The following GREB1L variants were observed in gnomAD, a reference collection of about 807,000 sequenced individuals.
GREB1L encodes GREB1 like retinoic acid receptor coactivator.
A neutral mutation model predicts 200.8 loss-of-function variants in GREB1L; 17 were observed. The observed-to-expected ratio is 0.08, with a 90% CI of 0.06 to 0.13. The LOEUF (loss-of-function observed/expected upper bound fraction) is 0.13, where lower values mean the gene tolerates loss of function less well. Among genes scored for constraint, GREB1L ranks in the 10% least tolerant of loss-of-function variants. The pLI is 1.00. For missense variants in GREB1L, 1,657 were observed against 2,367.7 expected, an observed-to-expected ratio of 0.70 and a Z score of 6.23; for synonymous variants, 789 against 893.0, an observed-to-expected ratio of 0.88 and a Z score of 2.08.
chr18:21,348,729 C>T (rs546982863), intron 1 of GREB1L, among the ~76,000 whole-genome samples: 54 of 152,068 alleles, frequency 3.6e-4, no homozygotes, highest in African/African-American at 9.2e-4. Context: ...GAGCTGAGAT[C>T]GCACCATTGC....
chr18:21,390,721 G>C (rs1207514724), intron 4 of GREB1L, among the ~76,000 whole-genome samples: 3 of 152,052 alleles, frequency 2.0e-5, no homozygotes, highest in Non-Finnish European at 2.9e-5. Context: ...ATTTTTAGTA[G>C]AGATGGGGTT....
chr18:21,497,851 C>T (rs112059162), intron 21 of GREB1L, among the ~76,000 whole-genome samples: 10,303 of 101,200 alleles, frequency 0.1, 586 homozygotes, highest in Middle Eastern at 0.25. Context: ...GATGGAGTTT[C>T]GCTCTTGTCC....
intron 1 of GREB1L, 57 bp from the exon 2 acceptor site, chr18:21,365,970 A>ATTTGGAAATTAACTCATGTC (rs1197993819): frequency 6.6e-6 from 1 of 152,044 alleles, no homozygotes; most frequent in Non-Finnish European, 1.5e-5. Flanking sequence ...TAGAATATGT[A>ATTTGGAAATTAACTCATGTC]TTTGGAAATT....
intron 1 of GREB1L, among the ~76,000 whole-genome samples, chr18:21,313,288 C>T (rs1309191854): frequency 5.3e-5 from 8 of 152,082 alleles, no homozygotes; most frequent in Admixed American, 4.6e-4. Flanking sequence ...ACTATGTCTA[C>T]TTCACCAACT....
At chr18:21,332,080 C>G (rs1460818829) in intron 1 of GREB1L, among the ~76,000 whole-genome samples, 1 of 152,066 alleles carries the variant, frequency 6.6e-6, no homozygotes, top group East Asian at 1.9e-4. Context: ...TAAACAACAA[C>G]AACAAAAAAG....
chr18:21,428,311 T>C (rs544839521), intron 7 of GREB1L, among the ~76,000 whole-genome samples: 6 of 148,544 alleles, frequency 4.0e-5, no homozygotes, highest in Non-Finnish European at 7.4e-5. Context: ...TTGTTTTTAT[T>C]TTGGGTTTTT....
At chr18:21,284,959 T>G (rs2038330949) in intron 1 of GREB1L, among the ~76,000 whole-genome samples, 1 of 152,212 alleles carries the variant, frequency 6.6e-6, no homozygotes, top group Admixed American at 6.5e-5. Context: ...ATCTGCTTAT[T>G]GGCCATTTAT....
chr18:21,282,932 G>C (rs2038294485), intron 1 of GREB1L, among the ~76,000 whole-genome samples: 2 of 152,272 alleles, frequency 1.3e-5, no homozygotes, highest in Admixed American at 1.3e-4. Context: ...CTAATGCATA[G>C]TACTTCATAA....
intron 15 of GREB1L, among the ~76,000 whole-genome samples, chr18:21,462,473 GGA>G (rs2035084120): frequency 6.6e-6 from 1 of 152,164 alleles, no homozygotes. Context: ...TTTTTGAGGT[GGA>G]GTCTTGCTCT....
At chr18:21,512,750 A>G (rs1161228148) in intron 27 of GREB1L, among the ~76,000 whole-genome samples, 1 of 152,018 alleles carries the variant, frequency 6.6e-6, no homozygotes, top group Non-Finnish European at 1.5e-5. Context: ...AGTTTTGGAA[A>G]AGCTTTCAGT....
intron 1 of GREB1L, among the ~76,000 whole-genome samples, chr18:21,252,189 A>G (rs1468390892): frequency 1.3e-5 from 2 of 152,222 alleles, no homozygotes; most frequent in South Asian, 4.1e-4. Flanking sequence ...TTACTATAGA[A>G]CTTTAATCAA....
chr18:21,307,780 A>C (rs935425598), intron 1 of GREB1L, among the ~76,000 whole-genome samples: 1 of 152,066 alleles, frequency 6.6e-6, no homozygotes, highest in South Asian at 2.1e-4. Context: ...GGTCAGGCTC[A>C]TTATTCTCCT....
chr18:21,320,599 T>C (rs2038936014), intron 1 of GREB1L, among the ~76,000 whole-genome samples: 1 of 151,324 alleles, frequency 6.6e-6, no homozygotes, highest in Non-Finnish European at 1.5e-5. Flanking sequence ...CCGTCTCTAG[T>C]AAAAATACAA....
chr18:21,508,984 G>T (rs1210395804), intron 27 of GREB1L, among the ~76,000 whole-genome samples: 1 of 152,142 alleles, frequency 6.6e-6, no homozygotes, highest in South Asian at 2.1e-4. Context: ...ATCAAGAGGG[G>T]CCCCTAGGTC....
chr18:21,514,110 T>G (rs984948370), intron 28 of GREB1L, 124 bp downstream of exon 28: 1 of 843,236 alleles, frequency 1.2e-6, no homozygotes, highest in Non-Finnish European at 1.8e-6. Context: ...CAGTCAACCA[T>G]GAGACCACCC....
chr18:21,522,943 A>G lies in GREB1L; in HGVS notation c.*122A>G, dbSNP rs1398621796. The G allele has an allele frequency of 2.0e-5, 18 of 907,998 alleles. No individual in the cohort carries two copies. The South Asian group carries it at 2.8e-4, about 14-fold the overall frequency. 56.2% of individuals were successfully genotyped at this position (907,998 alleles called of 1,614,324 possible). Reference sequence around the variant, plus strand: ...GGAGCAAAGTGCAACATATTTGTCTAAATTCTCCAAAGAACTCCCCAAATC... The same window carrying G: ...GGAGCAAAGTGCAACATATTTGTCTGAATTCTCCAAAGAACTCCCCAAATC... On this transcript the variant is annotated 3_prime_UTR_variant, in exon 33 of 33. Transcript: ENST00000424526.
chr18:21,525,349 T>TTA lies in GREB1L; in HGVS notation c.*2528_*2529insTA, dbSNP rs1341885748. 1 of 152,204 alleles carries TTA rather than the reference T, an allele frequency of 6.6e-6. No individual in the cohort carries two copies. Among genetic ancestry groups the TTA allele is most frequent in the East Asian group, 1.9e-4 (1 of 5,204 alleles). 9.4% of individuals were successfully genotyped at this position (152,204 alleles called of 1,614,324 possible). On this transcript the variant is annotated 3_prime_UTR_variant, in exon 33 of 33. Transcript: ENST00000424526. ...TTGTTAATGATTCAAAATTGTCTTG[T>TTA]GTCTACTGTTATATTTTTGTCCTTT...
chr18:21,412,789 C>T (rs1462200038), intron 7 of GREB1L, among the ~76,000 whole-genome samples: 1 of 151,958 alleles, frequency 6.6e-6, no homozygotes, highest in African/African-American at 2.4e-5. Context: ...ATGTTTTGTG[C>T]ACTCTTCTGT....
chr18:21,450,413 A>G (rs1433295996), intron 12 of GREB1L, among the ~76,000 whole-genome samples: 3 of 152,144 alleles, frequency 2.0e-5, no homozygotes, highest in African/African-American at 7.2e-5. Context: ...TCTGTACTGA[A>G]TGGCTCTCAC....
Sources: allele counts gnomAD v4.1 joint callset (sites outside exome capture counted in the v4.1 genomes callset), GRCh38; gene constraint gnomAD v4.1.1; transcripts MANE v1.5; gene names NCBI Gene and HGNC (gene_info 2026-07-23, HGNC 2026-07-21).